Variants in DTL observed in about 807,000 individuals in gnomAD.
The protein encoded by DTL is denticleless E3 ubiquitin protein ligase adapter.
Under a neutral mutation model 87.0 loss-of-function variants are expected in DTL, and 46 were observed. The ratio of observed to expected loss-of-function variants is 0.53; its 90% CI spans 0.42 to 0.68. The LOEUF (loss-of-function observed/expected upper bound fraction) is 0.68. DTL is among the 30% of genes least tolerant of loss of function. The probability of loss-of-function intolerance (pLI) is 0.00; values close to 1 mark genes in which losing one functional copy is unlikely to be tolerated. For synonymous variants in DTL, 308 were observed against 311.2 expected, an observed-to-expected ratio of 0.99 and a Z score of 0.11; for missense variants, 737 against 869.4, an observed-to-expected ratio of 0.85 and a Z score of 1.91.
At chr1:212,054,659 G>A (rs1668109001) in intron 5 of DTL, among the ~76,000 whole-genome samples, 1 of 151,966 alleles carries the variant, frequency 6.6e-6, no homozygotes. Context: ...GCCGGGTGTG[G>A]TGACACATGC....
intron 5 of DTL, among the ~76,000 whole-genome samples, chr1:212,049,696 A>G (rs933908908): frequency 3.3e-5 from 5 of 152,252 alleles, no homozygotes; most frequent in Admixed American, 2.6e-4. Flanking sequence ...TCCATCAGCC[A>G]TAAGCCCTCT....
rs193258816 is a variant in DTL, at chr1:212,103,346, G to A, written c.*406G>A. The A allele has an allele frequency of 2.5e-3, 380 of 152,918 alleles. 2 individuals are homozygous for A. The highest frequency in any genetic ancestry group is 4.2e-3 in the Non-Finnish European group (291 of 68,514). 9.5% of individuals were successfully genotyped at this position (152,918 alleles called of 1,614,324 possible). A position where few individuals can be genotyped will look rare whatever the true frequency, so the allele number is the denominator to read the frequency against. ...CCAGCCACAGCATGAGGCCTGTGAAGGCTGACTGAGAAATCCTCTGCTGAA... is the reference window on the plus strand; with the variant it reads ...CCAGCCACAGCATGAGGCCTGTGAAAGCTGACTGAGAAATCCTCTGCTGAA... On this transcript the variant is annotated 3_prime_UTR_variant, in exon 15 of 15. Coordinates refer to ENST00000366991, the MANE Select transcript of DTL (RefSeq NM_016448.4).
At chr1:212,073,470 T>G (rs1200104361) in intron 11 of DTL, among the ~76,000 whole-genome samples, 1 of 152,222 alleles carries the variant, frequency 6.6e-6, no homozygotes, top group African/African-American at 2.4e-5. Flanking sequence ...TTTTTTATCC[T>G]GCCAAGCTCT....
At chr1:212,081,170 A>AG (rs1218255283) in intron 13 of DTL, among the ~76,000 whole-genome samples, 2 of 152,238 alleles carry the variant, frequency 1.3e-5, no homozygotes, top group African/African-American at 4.8e-5. Context: ...GAGAAGGGCA[A>AG]GGGTGAAATA....
rs976717033 is a variant in DTL, at chr1:212,104,713, G to A, written c.*1773G>A. The A allele has an allele frequency of 6.6e-6, 1 of 152,172 alleles. No individual in the cohort carries two copies. Among genetic ancestry groups the A allele is most frequent in the African/African-American group, 2.4e-5 (1 of 41,428 alleles). 9.4% of individuals were successfully genotyped at this position (152,172 alleles called of 1,614,324 possible). The stretch of plus-strand genomic sequence containing the variant: ...TCAGAAATTATACCGAGTCTACTGG[G>A]TATAACATGTCTCACTTGGAAAGCT... On this transcript the variant is annotated 3_prime_UTR_variant, in exon 15 of 15. Transcript: ENST00000366991.
At chr1:212,074,471 C>T (rs1654771030) in intron 11 of DTL, among the ~76,000 whole-genome samples, 1 of 152,042 alleles carries the variant, frequency 6.6e-6, no homozygotes, top group South Asian at 2.1e-4. Flanking sequence ...AAGGGTTACC[C>T]TTTTTTAATT....
chr1:212,071,942 G>A, intron 10 of DTL, 159 bp from the exon 11 acceptor site: 1 of 528,462 alleles, frequency 1.9e-6, no homozygotes, highest in Non-Finnish European at 3.3e-6. Context: ...TTGTTTTTCT[G>A]CCAATGTCTA....
intron 6 of DTL, 86 bp from the exon 7 acceptor site, chr1:212,064,831 T>A: frequency 9.0e-7 from 1 of 1,107,486 alleles, no homozygotes; most frequent in Non-Finnish European, 1.4e-6. Context: ...TGGTCAAAAA[T>A]TACTTAATAT....
chr1:212,071,957 C>A, intron 10 of DTL, 144 bp from the exon 11 acceptor site: 1 of 590,686 alleles, frequency 1.7e-6, no homozygotes, highest in South Asian at 2.4e-5. Context: ...TGTCTAGTTC[C>A]CTTGTATTTG....
intron 11 of DTL, among the ~76,000 whole-genome samples, chr1:212,072,864 C>T (rs1571964724): frequency 6.6e-6 from 1 of 150,958 alleles, no homozygotes; most frequent in Admixed American, 6.6e-5. Flanking sequence ...CCCAGGTTCA[C>T]GCCATTCTCC....
chr1:212,057,592 A>T (rs1033049434), intron 5 of DTL, among the ~76,000 whole-genome samples: 3 of 152,130 alleles, frequency 2.0e-5, no homozygotes, highest in Non-Finnish European at 1.5e-5. Flanking sequence ...AAACACACAA[A>T]CAAGAAAGAG....
intron 5 of DTL, among the ~76,000 whole-genome samples, chr1:212,048,902 T>TTTTG (rs142929243): frequency 0.067 from 10,085 of 150,498 alleles, 617 homozygotes; most frequent in African/African-American, 0.15. Context: ...TGGACTGGTT[T>TTTTG]TTTGTTTGTT....
intron 5 of DTL, among the ~76,000 whole-genome samples, chr1:212,048,657 C>G (rs1444572062): frequency 6.6e-6 from 1 of 152,034 alleles, no homozygotes; most frequent in African/African-American, 2.4e-5. Flanking sequence ...CTCTTCATTT[C>G]TGTTTTTGTT....
At chr1:212,065,606 A>C (rs565244744) in intron 7 of DTL, among the ~76,000 whole-genome samples, 38 of 152,288 alleles carry the variant, frequency 2.5e-4, no homozygotes, top group Admixed American at 1.6e-3. Context: ...TTCATTAGGA[A>C]AAGTGGGGGA....
intron 13 of DTL, 69 bp from the exon 14 acceptor site, chr1:212,100,183 C>G (rs568684129): frequency 8.0e-7 from 1 of 1,251,486 alleles, no homozygotes; most frequent in East Asian, 2.4e-5. Context: ...TATGATTTTT[C>G]TTGATGAGAA....
chr1:212,038,696 G>A (rs909260983), intron 1 of DTL, among the ~76,000 whole-genome samples: 5 of 152,112 alleles, frequency 3.3e-5, no homozygotes, highest in African/African-American at 9.7e-5. Flanking sequence ...TAGTTTGTCT[G>A]TCTTCGGTTT....
chr1:212,096,681 A>G (rs191885887), intron 13 of DTL, among the ~76,000 whole-genome samples: 39 of 152,298 alleles, frequency 2.6e-4, no homozygotes, highest in Middle Eastern at 3.4e-3. Context: ...GCATGGTTCT[A>G]AGAATTCCCT....
chr1:212,047,156 A>G lies in DTL; in HGVS notation c.283A>G (p.Met95Val), dbSNP rs1300304161. 2 of 1,614,074 alleles carry G rather than the reference A, an allele frequency of 1.2e-6. No homozygotes were observed. Among genetic ancestry groups the G allele is most frequent in the Admixed American group, 1.7e-5 (1 of 60,032 alleles). Residue 95 changes from methionine to valine, a missense_variant, in exon 4 of 15, where the codon ATG becomes GTG. By Grantham distance (21) the Met-to-Val change is conservative. Coordinates refer to ENST00000366991, the MANE Select transcript of DTL (RefSeq NM_016448.4). ...SFRKKCFKEW[M>V]AHWNAVFDLA... Reference sequence around the variant, plus strand: ...TTACCATTTTCTTTGTTTAGAATGGATGGCTCACTGGAATGCCGTCTTTGA... The same window carrying G: ...TTACCATTTTCTTTGTTTAGAATGGGTGGCTCACTGGAATGCCGTCTTTGA...
chr1:212,041,536 C>G (rs184539382), intron 1 of DTL, among the ~76,000 whole-genome samples: 1 of 151,078 alleles, frequency 6.6e-6, no homozygotes, highest in Non-Finnish European at 1.5e-5. Flanking sequence ...GACGGAGTGT[C>G]GCTGTGTTGC....
Sources: gnomAD v4.1 joint callset for allele counts (sites outside exome capture counted in the v4.1 genomes callset) on GRCh38, gnomAD v4.1.1 for gene constraint, MANE v1.5 for transcripts, NCBI Gene and HGNC (gene_info 2026-07-23, HGNC 2026-07-21) for gene names.